The following TYW1B variants were observed in gnomAD, a reference collection of about 807,000 sequenced individuals.
The protein encoded by TYW1B is S-adenosyl-L-methionine-dependent tRNA 4-demethylwyosine synthase TYW1B.
A neutral mutation model predicts 86.9 loss-of-function variants in TYW1B; 73 were observed. The observed-to-expected ratio is 0.84, with a 90% confidence interval of 0.70 to 1.02. The LOEUF (loss-of-function observed/expected upper bound fraction) is 1.02. TYW1B is among the 50% of genes least tolerant of loss of function. The probability of loss-of-function intolerance (pLI) is 0.00; values close to 1 mark genes in which losing one functional copy is unlikely to be tolerated. For synonymous variants in TYW1B, 248 were observed against 292.8 expected (o/e 0.85, Z 1.56); for missense variants, 637 against 827.4 (o/e 0.77, Z 2.82).
intron 7 of TYW1B, among the ~76,000 whole-genome samples, chr7:72,745,541 G>A (rs1554463643): frequency 1.3e-5 from 2 of 151,948 alleles, no homozygotes; most frequent in Non-Finnish European, 1.5e-5. Flanking sequence ...GCTTTAAAAG[G>A]TAAAATCAGA....
intron 9 of TYW1B, 32 bp from the exon 10 acceptor site, chr7:72,713,830 A>G: frequency 1.3e-6 from 2 of 1,529,458 alleles, no homozygotes; most frequent in East Asian, 2.3e-5. Flanking sequence ...ACCCAGCTAC[A>G]TAAGGCACAG....
chr7:72,679,617 G>A (rs1554448064), intron 11 of TYW1B, among the ~76,000 whole-genome samples: 1 of 152,140 alleles, frequency 6.6e-6, no homozygotes, highest in Non-Finnish European at 1.5e-5. Context: ...GGAGATGGAT[G>A]GTGGTAATAG....
chr7:72,579,204 C>A (rs1234877656), intron 13 of TYW1B, among the ~76,000 whole-genome samples: 4 of 152,194 alleles, frequency 2.6e-5, no homozygotes, highest in Admixed American at 6.5e-5. Context: ...ACTCACAAAA[C>A]CAACTTCCTC....
In TYW1B at chr7:72,616,827, A is replaced by G. The variant is rs1554437012; in HGVS notation, c.1630T>C (p.Cys544Arg). The G allele has an allele frequency of 6.2e-7, 1 of 1,614,212 alleles. No homozygotes were observed. Among genetic ancestry groups the G allele is most frequent in the Admixed American group, 1.7e-5 (1 of 60,018 alleles). Residue 544 changes from cysteine to arginine, a missense_variant, in exon 13 of 14, where the codon TGC becomes CGC. Physicochemically the swap from Cys to Arg is radical, Grantham distance 180. Coordinates refer to ENST00000620995, the MANE Select transcript of TYW1B (RefSeq NM_001145440.3). Reference sequence around the variant, plus strand: ...AGACTGCTTGCTGAACTTTCTCTGCAGTAGGTAACGCCCTGTGGAAACAGT... The same window carrying G: ...AGACTGCTTGCTGAACTTTCTCTGCGGTAGGTAACGCCCTGTGGAAACAGT... ...DFIEVKGVTY[C>R]RESSASSLTM...
rs782027660 is a variant in TYW1B at position 72,815,356 on chromosome 7, T to C, written c.237+24A>G. The C allele has an allele frequency of 9.7e-5, 151 of 1,560,942 alleles. 2 individuals carry two copies. The highest frequency in any genetic ancestry group is 7.9e-4 in the South Asian group (65 of 82,290). On this transcript the variant is annotated intron_variant, in intron 3 of 13. Coordinates refer to ENST00000620995, the MANE Select transcript of TYW1B (RefSeq NM_001145440.3). ...GATCAGTTAAATTTGAGAGTTTTGA[T>C]TGAAGAAAAAGACAATTACCAACCT...
At chr7:72,818,578 C>CAAAAAAA (rs57325230) in intron 2 of TYW1B, among the ~76,000 whole-genome samples, 1 of 38,412 alleles carries the variant, frequency 2.6e-5, no homozygotes, top group Non-Finnish European at 5.2e-5. Flanking sequence ...GACTCCATCT[C>CAAAAAAA]AAAAAAAAAA....
chr7:72,751,028 T>C (rs1170322692), intron 7 of TYW1B, among the ~76,000 whole-genome samples: 1 of 141,794 alleles, frequency 7.1e-6, no homozygotes, highest in African/African-American at 2.6e-5. Flanking sequence ...GTTGTTCAGA[T>C]TGGGTAAATT....
intron 7 of TYW1B, among the ~76,000 whole-genome samples, chr7:72,747,216 T>C (rs1787411546): frequency 6.6e-6 from 1 of 152,174 alleles, no homozygotes; most frequent in South Asian, 2.1e-4. Flanking sequence ...TGCCGGTCTT[T>C]CCTGTACTAT....
intron 7 of TYW1B, among the ~76,000 whole-genome samples, chr7:72,767,055 A>C (rs1787782882): frequency 6.6e-6 from 1 of 152,178 alleles, no homozygotes; most frequent in South Asian, 2.1e-4. Context: ...GTTAAGAAAA[A>C]CAGAAGCAGG....
intron 10 of TYW1B, among the ~76,000 whole-genome samples, chr7:72,706,185 T>C (rs1301752966): frequency 6.6e-6 from 1 of 151,982 alleles, no homozygotes; most frequent in Non-Finnish European, 1.5e-5. Flanking sequence ...TCCCAGCACT[T>C]TGGGAGGCCG....
intron 7 of TYW1B, among the ~76,000 whole-genome samples, chr7:72,772,896 T>C (rs1563089221): frequency 6.6e-6 from 1 of 152,184 alleles, no homozygotes; most frequent in Non-Finnish European, 1.5e-5. Flanking sequence ...GAGGTAACAT[T>C]TACAGGGCTT....
intron 13 of TYW1B, among the ~76,000 whole-genome samples, chr7:72,598,351 T>C (rs1554433049): frequency 1.3e-5 from 2 of 152,070 alleles, no homozygotes; most frequent in East Asian, 1.9e-4. Flanking sequence ...TTGTGGGACC[T>C]TGTGATCGTG....
rs560564192 is a variant in TYW1B at position 72,630,497 on chromosome 7, A to G, written c.1507-1500T>C. 5.3e-5 allele frequency among the ~76,000 whole-genome samples: 8 copies of G among 151,898 alleles called. No homozygotes were observed. The East Asian group carries it at 9.7e-4, about 18-fold the overall frequency. Reference sequence around the variant, plus strand: ...CACACCTTAAGTAGCAATGCTCAAAATACTCAAGAAAAAAAAAAACAGTAA... The same window carrying G: ...CACACCTTAAGTAGCAATGCTCAAAGTACTCAAGAAAAAAAAAAACAGTAA... On this transcript the variant is annotated intron_variant, in intron 11 of 13. Coordinates refer to ENST00000620995, the MANE Select transcript of TYW1B (RefSeq NM_001145440.3).
At chr7:72,757,575 A>C (rs556134629) in intron 7 of TYW1B, among the ~76,000 whole-genome samples, 24 of 152,200 alleles carry the variant, frequency 1.6e-4, no homozygotes, top group African/African-American at 5.5e-4. Flanking sequence ...AGGCCTGCCC[A>C]TATGATGGAC....
intron 8 of TYW1B, among the ~76,000 whole-genome samples, chr7:72,741,665 A>T (rs1787307081): frequency 6.6e-6 from 1 of 152,206 alleles, no homozygotes; most frequent in South Asian, 2.1e-4. Context: ...ACAAACACAA[A>T]GAGATCCATA....
intron 7 of TYW1B, among the ~76,000 whole-genome samples, chr7:72,763,685 T>C (rs1344020795): frequency 6.6e-6 from 1 of 152,240 alleles, no homozygotes; most frequent in African/African-American, 2.4e-5. Flanking sequence ...TGACCTATGA[T>C]TCTGTTTTGA....
intron 7 of TYW1B, chr7:72,769,224 G>T: frequency 3.6e-6 from 1 of 279,930 alleles, no homozygotes; most frequent in Non-Finnish European, 6.4e-6. Flanking sequence ...TAACAGAAGT[G>T]ATATTTACTA....
chr7:72,646,644 G>C (rs543921868), intron 11 of TYW1B, among the ~76,000 whole-genome samples: 1 of 152,184 alleles, frequency 6.6e-6, no homozygotes, highest in South Asian at 2.1e-4. Flanking sequence ...AGAGTGCTGG[G>C]ATTACAGGTG....
chr7:72,766,017 C>T (rs61487711), intron 7 of TYW1B, among the ~76,000 whole-genome samples: 118,793 of 152,154 alleles, frequency 0.78, 46,588 homozygotes, highest in Non-Finnish European at 0.8. Context: ...TTACAATCAA[C>T]AGCCTCTGCT....
Sources: gnomAD v4.1 joint callset for allele counts (sites outside exome capture counted in the v4.1 genomes callset) on GRCh38, gnomAD v4.1.1 for gene constraint, MANE v1.5 for transcripts, NCBI Gene and HGNC (gene_info 2026-07-23, HGNC 2026-07-21) for gene names.